Variants in MCC observed in about 807,000 individuals in gnomAD.
MCC encodes the protein MCC regulator of Wnt signaling pathway.
Under a neutral mutation model 116.2 loss-of-function variants are expected in MCC, and 90 were observed. The observed-to-expected ratio is 0.77, with a 90% CI of 0.65 to 0.92. The LOEUF (loss-of-function observed/expected upper bound fraction) is 0.92. Among genes scored for constraint, MCC ranks in the 40% least tolerant of loss-of-function variants. The pLI is 0.00. For synonymous variants in MCC, 578 were observed against 510.5 expected, an observed-to-expected ratio of 1.13 and a Z score of -1.78; for missense variants, 1,516 against 1,312.2, an observed-to-expected ratio of 1.16 and a Z score of -2.40.
intron 3 of MCC, among the ~76,000 whole-genome samples, chr5:113,304,366 A>G (rs1354827069): frequency 5.3e-5 from 8 of 152,010 alleles, no homozygotes; most frequent in African/African-American, 1.7e-4. Flanking sequence ...CAAAAACCCA[A>G]CCTTCTCCAA....
chr5:113,124,887 T>A (rs59494679), intron 5 of MCC, among the ~76,000 whole-genome samples: 13,926 of 152,280 alleles, frequency 0.091, 892 homozygotes, highest in African/African-American at 0.18. Context: ...GGGTGAACAC[T>A]GGTGGAATAT....
At chr5:113,040,721 A>G (rs974134324) in intron 17 of MCC, among the ~76,000 whole-genome samples, 1 of 152,114 alleles carries the variant, frequency 6.6e-6, no homozygotes, top group Non-Finnish European at 1.5e-5. Context: ...CAGTATCATT[A>G]TGTTATTTTC....
rs1477212029 is a variant in MCC at position 113,022,284 on chromosome 5, T to TA, written c.*5017dup. 1 of 152,642 alleles carries TA rather than the reference T, an allele frequency of 6.6e-6. No homozygotes were observed. Among genetic ancestry groups the TA allele is most frequent in the Non-Finnish European group, 1.5e-5 (1 of 68,022 alleles). The allele number at this position is 152,642 out of a possible 1,614,324, so 9.5% of individuals were successfully genotyped here. ...ATTTAAAGAATACAAGTGGAGAATCTAAAAAATTACAAGGTATAGTACAGT... is the reference window on the plus strand; with the variant it reads ...ATTTAAAGAATACAAGTGGAGAATCTAAAAAAATTACAAGGTATAGTACAGT... On this transcript the variant is annotated 3_prime_UTR_variant, in exon 19 of 19. Transcript: ENST00000408903.
chr5:113,462,544 T>C (rs1771772056), intron 1 of MCC, among the ~76,000 whole-genome samples: 1 of 152,182 alleles, frequency 6.6e-6, no homozygotes, highest in Admixed American at 6.6e-5. Context: ...CCAGATGGCA[T>C]GCACAAAGGA....
At chr5:113,190,469 G>T (rs1168497650) in intron 3 of MCC, among the ~76,000 whole-genome samples, 3 of 152,142 alleles carry the variant, frequency 2.0e-5, no homozygotes, top group Non-Finnish European at 4.4e-5. Context: ...CACACCAAAG[G>T]AGGAGCTTAA....
At chr5:113,333,848 T>TATACATATGTACAC (rs1767796387) in intron 3 of MCC, among the ~76,000 whole-genome samples, 1 of 130,292 alleles carries the variant, frequency 7.7e-6, no homozygotes, top group Non-Finnish European at 1.7e-5. Flanking sequence ...TATATGTATA[T>TATACATATGTACAC]ATGTACATAT....
At chr5:113,164,359 T>A (rs528192649) in intron 3 of MCC, among the ~76,000 whole-genome samples, 4 of 152,188 alleles carry the variant, frequency 2.6e-5, no homozygotes, top group Non-Finnish European at 5.9e-5. Context: ...TTGGTCTAGT[T>A]CCACAAGTAG....
intron 8 of MCC, among the ~76,000 whole-genome samples, chr5:113,098,664 T>C (rs1179994808): frequency 6.6e-6 from 1 of 152,200 alleles, no homozygotes; most frequent in Non-Finnish European, 1.5e-5. Context: ...CTGACTACAT[T>C]AAAGATCTAA....
chr5:113,317,625 G>A (rs755510876), intron 3 of MCC, among the ~76,000 whole-genome samples: 9 of 152,098 alleles, frequency 5.9e-5, no homozygotes, highest in Non-Finnish European at 1.3e-4. Flanking sequence ...TGTATGACAC[G>A]GATATTCCTA....
intron 3 of MCC, among the ~76,000 whole-genome samples, chr5:113,231,651 A>C (rs1763944782): frequency 6.6e-6 from 1 of 152,120 alleles, no homozygotes. Context: ...TAGGAAGAAA[A>C]TGTCAACAAA....
intron 2 of MCC, among the ~76,000 whole-genome samples, chr5:113,374,189 G>A (rs1226095363): frequency 6.6e-6 from 1 of 150,552 alleles, no homozygotes; most frequent in Non-Finnish European, 1.5e-5. Flanking sequence ...ACGGTGCCCA[G>A]CCTGGGGCTT....
intron 1 of MCC, among the ~76,000 whole-genome samples, chr5:113,421,653 C>T (rs1010413701): frequency 6.6e-6 from 1 of 152,138 alleles, no homozygotes. Flanking sequence ...TAGGAAGGAC[C>T]CAGACTCTCT....
At chr5:113,125,803 A>G (rs937663830) in intron 5 of MCC, among the ~76,000 whole-genome samples, 3 of 152,186 alleles carry the variant, frequency 2.0e-5, no homozygotes, top group Non-Finnish European at 4.4e-5. Flanking sequence ...ACACAGCACA[A>G]CAGCATCTCA....
chr5:113,259,648 G>A (rs1324476587), intron 3 of MCC, among the ~76,000 whole-genome samples: 2 of 152,090 alleles, frequency 1.3e-5, no homozygotes, highest in Non-Finnish European at 2.9e-5. Flanking sequence ...AGAAGCACGT[G>A]GCCATTATTT....
At chr5:113,424,700 G>A (rs546791399) in intron 1 of MCC, among the ~76,000 whole-genome samples, 96 of 152,170 alleles carry the variant, frequency 6.3e-4, no homozygotes, top group African/African-American at 2.1e-3. Context: ...GTAATAGAGT[G>A]AGACTCCATC....
At chr5:113,198,524 G>A (rs1762528657) in intron 3 of MCC, among the ~76,000 whole-genome samples, 2 of 139,022 alleles carry the variant, frequency 1.4e-5, no homozygotes, top group African/African-American at 5.8e-5. Context: ...GTGAGACTCT[G>A]TCCCTACAAA....
chr5:113,129,566 CCT>C (rs1758302723), intron 5 of MCC, among the ~76,000 whole-genome samples: 1 of 152,286 alleles, frequency 6.6e-6, no homozygotes, highest in South Asian at 2.1e-4. Flanking sequence ...CTGACTTTTC[CCT>C]GTGTCCCCAT....
At chr5:113,414,171 A>G (rs1048901987) in intron 1 of MCC, among the ~76,000 whole-genome samples, 2 of 149,028 alleles carry the variant, frequency 1.3e-5, no homozygotes, top group Non-Finnish European at 3.0e-5. Flanking sequence ...TTACATTTAC[A>G]TATGCTTTAC....
chr5:113,156,732 G>A (rs1760193154), intron 3 of MCC, among the ~76,000 whole-genome samples: 1 of 152,168 alleles, frequency 6.6e-6, no homozygotes, highest in Non-Finnish European at 1.5e-5. Context: ...CATTTCTGGA[G>A]ATAAAAGGCC....
Sources: allele counts gnomAD v4.1 joint callset (sites outside exome capture counted in the v4.1 genomes callset), GRCh38; gene constraint gnomAD v4.1.1; transcripts MANE v1.5; gene names NCBI Gene and HGNC (gene_info 2026-07-23, HGNC 2026-07-21).